Variants in TNNI3K observed in about 807,000 individuals in gnomAD.
TNNI3K encodes the protein TNNI3 interacting kinase.
Under a neutral mutation model 114.5 loss-of-function variants are expected in TNNI3K, and 140 were observed. The observed-to-expected ratio is 1.22, with a 90% CI of 1.07 to 1.41. The LOEUF (loss-of-function observed/expected upper bound fraction) is 1.41. TNNI3K is among the 40% of genes most tolerant of loss of function. TNNI3K has a pLI of 0.00. For missense variants in TNNI3K, 1,125 were observed against 1,007.6 expected, an observed-to-expected ratio of 1.12 and a Z score of -1.58; for synonymous variants, 347 against 347.5, an observed-to-expected ratio of 1.00 and a Z score of 0.02.
chr1:74,541,915 C>A (rs1270654147), intron 24 of TNNI3K, among the ~76,000 whole-genome samples: 1 of 152,176 alleles, frequency 6.6e-6, no homozygotes, highest in East Asian at 1.9e-4. Flanking sequence ...TTATGAGCTT[C>A]TTCTCCCCCT....
At chr1:74,474,661 C>T (rs916936341) in intron 21 of TNNI3K, among the ~76,000 whole-genome samples, 3 of 152,096 alleles carry the variant, frequency 2.0e-5, no homozygotes, top group Non-Finnish European at 2.9e-5. Flanking sequence ...AAAAGGAAGA[C>T]GTTTAATTCA....
intron 21 of TNNI3K, among the ~76,000 whole-genome samples, chr1:74,478,490 A>G (rs1668317845): frequency 6.6e-6 from 1 of 152,208 alleles, no homozygotes; most frequent in Non-Finnish European, 1.5e-5. Flanking sequence ...TAACTAAAAG[A>G]TACTAAAAAT....
chr1:74,274,917 A>C (rs1368115512), intron 5 of TNNI3K, among the ~76,000 whole-genome samples: 3 of 152,112 alleles, frequency 2.0e-5, no homozygotes, highest in Non-Finnish European at 2.9e-5. Context: ...AATTTATTGA[A>C]TACTGTACTA....
At chr1:74,376,513 G>A (rs1438645382) in intron 17 of TNNI3K, 1 of 151,912 alleles carries the variant, frequency 6.6e-6, no homozygotes. Flanking sequence ...TAAAAGTCCT[G>A]CAAGAGAACC....
At chr1:74,309,315 G>T (rs1207586444) in intron 5 of TNNI3K, among the ~76,000 whole-genome samples, 10 of 133,164 alleles carry the variant, frequency 7.5e-5, no homozygotes, top group Non-Finnish European at 7.8e-5. Context: ...CCTGCAGTGA[G>T]CCGAGATTGC....
chr1:74,509,671 G>A (rs1670077236), intron 23 of TNNI3K, among the ~76,000 whole-genome samples: 2 of 144,908 alleles, frequency 1.4e-5, no homozygotes, highest in Admixed American at 1.4e-4. Context: ...TGTCATATAT[G>A]TTAAGGAATA....
intron 17 of TNNI3K, among the ~76,000 whole-genome samples, chr1:74,407,551 A>G (rs920807932): frequency 1.1e-4 from 17 of 152,168 alleles, no homozygotes; most frequent in Admixed American, 7.2e-4. Context: ...CTGAAAATAC[A>G]TATTTGAGTG....
chr1:74,542,152 AT>A (rs1294481979), intron 24 of TNNI3K, among the ~76,000 whole-genome samples: 2 of 152,170 alleles, frequency 1.3e-5, no homozygotes, highest in East Asian at 3.9e-4. Flanking sequence ...TCAATAATAA[AT>A]GCTAGCCTCA....
chr1:74,524,200 G>T (rs1460913732), intron 23 of TNNI3K, among the ~76,000 whole-genome samples: 1 of 152,212 alleles, frequency 6.6e-6, no homozygotes, highest in Admixed American at 6.5e-5. Flanking sequence ...TAACCATGTA[G>T]CAATTACCAT....
chr1:74,329,963 T>C (rs747784777), intron 5 of TNNI3K, among the ~76,000 whole-genome samples: 26 of 152,160 alleles, frequency 1.7e-4, no homozygotes, highest in Non-Finnish European at 2.5e-4. Context: ...TCTCTTCTAA[T>C]AGACTTTTGA....
chr1:74,270,143 G>T (rs374426978), intron 4 of TNNI3K, among the ~76,000 whole-genome samples: 1 of 151,818 alleles, frequency 6.6e-6, no homozygotes, highest in Non-Finnish European at 1.5e-5. Flanking sequence ...GATGAAAAGA[G>T]ATGTGGGAAA....
chr1:74,528,175 G>A (rs370816755), intron 23 of TNNI3K, among the ~76,000 whole-genome samples: 1 of 152,206 alleles, frequency 6.6e-6, no homozygotes, highest in African/African-American at 2.4e-5. Flanking sequence ...GTTCCATGCA[G>A]GCTAAGAAGG....
chr1:74,519,638 T>C (rs969473372), intron 23 of TNNI3K, among the ~76,000 whole-genome samples: 3 of 152,126 alleles, frequency 2.0e-5, no homozygotes, highest in African/African-American at 7.3e-5. Context: ...AGAATAGAGA[T>C]AAAAACTTCT....
At chr1:74,469,299 TCTA>T (rs1357632445) in intron 21 of TNNI3K, 1 of 152,614 alleles carries the variant, frequency 6.6e-6, no homozygotes, top group Non-Finnish European at 1.5e-5. Context: ...TTTAAAGACT[TCTA>T]CTTAAATCTG....
intron 11 of TNNI3K, among the ~76,000 whole-genome samples, chr1:74,365,865 C>CA (rs777582900): frequency 0.049 from 7,457 of 151,828 alleles, 202 homozygotes; most frequent in East Asian, 0.091. Flanking sequence ...GAATAGAAAG[C>CA]TGGAGATGAT....
chr1:74,433,292 G>C (rs1450848079), intron 17 of TNNI3K, among the ~76,000 whole-genome samples: 1 of 151,970 alleles, frequency 6.6e-6, no homozygotes, highest in African/African-American at 2.4e-5. Context: ...GATTTTAAAG[G>C]CTTTGACTCT....
chr1:74,426,738 A>G (rs1431251461), intron 17 of TNNI3K, among the ~76,000 whole-genome samples: 2 of 152,046 alleles, frequency 1.3e-5, no homozygotes, highest in African/African-American at 4.8e-5. Flanking sequence ...AGGTGCTCAG[A>G]AGGTCCCTGG....
At chr1:74,252,098 C>A (rs999592739) in intron 4 of TNNI3K, among the ~76,000 whole-genome samples, 4 of 152,136 alleles carry the variant, frequency 2.6e-5, no homozygotes, top group Non-Finnish European at 5.9e-5. Context: ...GAATTCTGAA[C>A]CTCACCGTCT....
intron 5 of TNNI3K, among the ~76,000 whole-genome samples, chr1:74,301,933 A>G (rs1341438332): frequency 1.3e-5 from 2 of 152,220 alleles, no homozygotes; most frequent in African/African-American, 2.4e-5. Context: ...CAACCTATTT[A>G]CCAAGTGCCT....
Sources: gnomAD v4.1 joint callset for allele counts (sites outside exome capture counted in the v4.1 genomes callset) on GRCh38, gnomAD v4.1.1 for gene constraint, MANE v1.5 for transcripts, NCBI Gene and HGNC (gene_info 2026-07-23, HGNC 2026-07-21) for gene names.